VPS35L: variants seen among roughly 807,000 people sequenced by gnomAD.
The protein encoded by VPS35L is VPS35 endosomal protein-sorting factor-like.
Under a neutral mutation model 133.0 loss-of-function variants are expected in VPS35L, and 83 were observed. That is an observed-to-expected ratio of 0.62 (90% CI 0.52 to 0.75). VPS35L has a LOEUF of 0.75. Ranked by LOEUF, VPS35L falls within the 30% of genes least tolerant of loss-of-function variation. VPS35L has a pLI of 0.00. For missense variants in VPS35L, 1,083 were observed against 1,206.8 expected (o/e 0.90, Z 1.52); for synonymous variants, 423 against 449.9 (o/e 0.94, Z 0.76).
At chr16:19,647,302 A>T (rs977651812) in intron 23 of VPS35L, among the ~76,000 whole-genome samples, 1 of 152,232 alleles carries the variant, frequency 6.6e-6, no homozygotes, top group African/African-American at 2.4e-5. Context: ...GGCAATGTTA[A>T]ACCTCATCTG....
Position 19,644,786 on chromosome 16 carries a change from A to G in VPS35L, c.1866-100A>G, listed in dbSNP as rs377723523. ...GTTTTTTAAATCTAGAAAATGCAAA[A>G]TGTTCTTACCTGTTAAATTACTTAC... On this transcript the variant is annotated intron_variant, in intron 22 of 30. Coordinates refer to ENST00000417362, the MANE Select transcript of VPS35L (RefSeq NM_020314.7). The G allele has an allele frequency of 2.8e-5, 21 of 748,824 alleles. No homozygotes were observed. The South Asian group carries it at 3.0e-4, about 11-fold the overall frequency. The allele number at this position is 748,824 out of a possible 1,614,324, so 46.4% of individuals were successfully genotyped here.
chr16:19,659,877 G>A (rs978389625), intron 26 of VPS35L, among the ~76,000 whole-genome samples: 1 of 152,174 alleles, frequency 6.6e-6, no homozygotes, highest in Non-Finnish European at 1.5e-5. Flanking sequence ...AAACTCATAC[G>A]GAGATAGAAA....
chr16:19,674,350 C>G (rs1436197926), intron 27 of VPS35L, among the ~76,000 whole-genome samples: 8 of 142,036 alleles, frequency 5.6e-5, no homozygotes, highest in Admixed American at 4.1e-4. Context: ...CACCACCACA[C>G]CTGGCTAATT....
At chr16:19,584,668 T>C (rs975534127) in intron 7 of VPS35L, among the ~76,000 whole-genome samples, 2 of 151,830 alleles carry the variant, frequency 1.3e-5, no homozygotes, top group Non-Finnish European at 2.9e-5. Flanking sequence ...TCTGTATTCT[T>C]ATCAGCATTT....
At chr16:19,563,505 T>C (rs1187572583) in intron 1 of VPS35L, among the ~76,000 whole-genome samples, 1 of 152,160 alleles carries the variant, frequency 6.6e-6, no homozygotes, top group African/African-American at 2.4e-5. Context: ...CAGAGACTGT[T>C]CTTGCACATT....
intron 12 of VPS35L, 121 bp downstream of exon 12, chr16:19,610,536 C>A (rs1163158907): frequency 3.3e-6 from 2 of 604,420 alleles, no homozygotes; most frequent in Non-Finnish European, 5.5e-6. Flanking sequence ...TTATTAGTGG[C>A]TAATTTTAGA....
At chr16:19,666,945 T>C in intron 26 of VPS35L, among the ~76,000 whole-genome samples, 1 of 121,492 alleles carries the variant, frequency 8.2e-6, no homozygotes, top group Non-Finnish European at 1.7e-5. Flanking sequence ...CCTTTCTTCC[T>C]TTCTTCCTTT....
chr16:19,661,272 AT>A (rs1339998998), intron 26 of VPS35L, among the ~76,000 whole-genome samples: 1 of 150,024 alleles, frequency 6.7e-6, no homozygotes, highest in Non-Finnish European at 1.5e-5. Flanking sequence ...GCCCCCCTCT[AT>A]TTTTTTTCCT....
chr16:19,697,086 C>T (rs948081018), intron 29 of VPS35L, among the ~76,000 whole-genome samples: 3 of 152,162 alleles, frequency 2.0e-5, no homozygotes, highest in Non-Finnish European at 4.4e-5. Flanking sequence ...TTTGCGAGTC[C>T]GTGCCCAGCA....
intron 28 of VPS35L, among the ~76,000 whole-genome samples, chr16:19,687,629 G>A (rs1159706134): frequency 6.6e-6 from 1 of 152,118 alleles, no homozygotes; most frequent in Non-Finnish European, 1.5e-5. Flanking sequence ...AGAGATTCCT[G>A]TGATCAGAGA....
intron 1 of VPS35L, among the ~76,000 whole-genome samples, chr16:19,557,626 G>A (rs1222806410): frequency 1.3e-5 from 2 of 151,934 alleles, no homozygotes; most frequent in Non-Finnish European, 2.9e-5. Flanking sequence ...TAAGTGATCC[G>A]CCGACCTCGG....
At chr16:19,645,472 G>C (rs1286601454) in intron 23 of VPS35L, among the ~76,000 whole-genome samples, 5 of 152,078 alleles carry the variant, frequency 3.3e-5, no homozygotes, top group African/African-American at 9.7e-5. Flanking sequence ...TGTATTTTTA[G>C]TAGAGACGGG....
chr16:19,577,950 A>G (rs891605652), intron 5 of VPS35L, among the ~76,000 whole-genome samples: 3 of 152,120 alleles, frequency 2.0e-5, no homozygotes, highest in African/African-American at 7.2e-5. Flanking sequence ...TAAGCCACCC[A>G]CTTTGTAGCA....
chr16:19,688,774 G>A (rs1975558802), intron 28 of VPS35L, among the ~76,000 whole-genome samples: 1 of 152,214 alleles, frequency 6.6e-6, no homozygotes, highest in South Asian at 2.1e-4. Flanking sequence ...GCAGCTGTAA[G>A]AGGATCCCAT....
At chr16:19,583,844 A>C (rs536960107) in intron 7 of VPS35L, among the ~76,000 whole-genome samples, 1 of 152,306 alleles carries the variant, frequency 6.6e-6, no homozygotes, top group East Asian at 1.9e-4. Context: ...TGTACCTGTT[A>C]ACCAACCTCT....
At chr16:19,602,211 A>C (rs986678500) in intron 9 of VPS35L, among the ~76,000 whole-genome samples, 1 of 152,156 alleles carries the variant, frequency 6.6e-6, no homozygotes, top group African/African-American at 2.4e-5. Flanking sequence ...TTATAATGGG[A>C]CAAGTGGATG....
At chr16:19,609,941 G>A (rs1006988184) in intron 11 of VPS35L, among the ~76,000 whole-genome samples, 6 of 152,236 alleles carry the variant, frequency 3.9e-5, no homozygotes, top group Admixed American at 1.3e-4. Flanking sequence ...ACAGGGTACG[G>A]GACAGTAAAT....
At chr16:19,659,974 A>G (rs1460771695) in intron 26 of VPS35L, among the ~76,000 whole-genome samples, 3 of 152,206 alleles carry the variant, frequency 2.0e-5, no homozygotes, top group Non-Finnish European at 4.4e-5. Context: ...ACCCTGCTTT[A>G]CTAATACACA....
At position 19,555,708 on chromosome 16, in the gene VPS35L, A is replaced by G. The variant is rs374088599; in HGVS notation, c.-22A>G. ...GAAGCCGAGCAGACGGCCCCAGAAC[A>G]AGCGGTCATGTGACTGGGAAGATGG... On this transcript the variant is annotated 5_prime_UTR_variant, in exon 1 of 31. Coordinates refer to ENST00000417362, the MANE Select transcript of VPS35L (RefSeq NM_020314.7). 2.4e-4 allele frequency: 386 copies of G among 1,607,844 alleles called. 1 individual carries two copies. In the African/African-American group the frequency reaches 4.6e-3, roughly 19 times the overall value.
Sources: allele counts gnomAD v4.1 joint callset (sites outside exome capture counted in the v4.1 genomes callset), GRCh38; gene constraint gnomAD v4.1.1; transcripts MANE v1.5; gene names NCBI Gene and HGNC (gene_info 2026-07-23, HGNC 2026-07-21).